Variants in CCDC38 observed in about 807,000 individuals in gnomAD.
The protein encoded by CCDC38 is coiled-coil domain-containing protein 38.
Under a neutral mutation model 72.8 loss-of-function variants are expected in CCDC38, and 69 were observed. That is an observed-to-expected ratio of 0.95 (90% confidence interval 0.78 to 1.16). The LOEUF (loss-of-function observed/expected upper bound fraction) is 1.16, where lower values mean the gene tolerates loss of function less well. CCDC38 is among the 50% of genes most tolerant of loss of function. The pLI, the probability that CCDC38 is intolerant of heterozygous loss-of-function variation, is 0.00. For missense variants in CCDC38, 626 were observed against 638.9 expected (o/e 0.98, Z 0.22); for synonymous variants, 201 against 213.2 (o/e 0.94, Z 0.50).
chr12:95,900,295 G>A (rs761568829), intron 5 of CCDC38, among the ~76,000 whole-genome samples: 31 of 152,044 alleles, frequency 2.0e-4, no homozygotes, highest in Non-Finnish European at 3.5e-4. Flanking sequence ...TCAAAATCCC[G>A]AAAGATCAAA....
intron 10 of CCDC38, chr12:95,885,245 T>A (rs533417682): frequency 1.1e-4 from 17 of 153,366 alleles, no homozygotes; most frequent in Admixed American, 9.8e-4. Context: ...CTCGACCCAG[T>A]CCTAAGACAC....
chr12:95,868,727 G>GTCAT (rs1419601106), intron 15 of CCDC38, among the ~76,000 whole-genome samples: 1 of 152,068 alleles, frequency 6.6e-6, no homozygotes, highest in Admixed American at 6.6e-5. Flanking sequence ...GGGAAAGAGT[G>GTCAT]TCATATAGAA....
At chr12:95,941,062 A>G (rs1335089545) in intron 1 of CCDC38, among the ~76,000 whole-genome samples, 1 of 152,208 alleles carries the variant, frequency 6.6e-6, no homozygotes, top group Non-Finnish European at 1.5e-5. Flanking sequence ...GTAACTAAGG[A>G]AAGAAATTCA....
chr12:95,920,530 G>C (rs1565963145), intron 2 of CCDC38, among the ~76,000 whole-genome samples: 2 of 152,190 alleles, frequency 1.3e-5, no homozygotes, highest in African/African-American at 4.8e-5. Flanking sequence ...CCAGAGAAAG[G>C]AATGAAGTAC....
intron 8 of CCDC38, among the ~76,000 whole-genome samples, chr12:95,894,143 T>A (rs2079860573): frequency 6.6e-6 from 1 of 152,060 alleles, no homozygotes; most frequent in South Asian, 2.1e-4. Context: ...ATCTTAAACC[T>A]GGGAGGCGGA....
At chr12:95,874,516 G>A (rs1037861239) in intron 13 of CCDC38, among the ~76,000 whole-genome samples, 1 of 152,064 alleles carries the variant, frequency 6.6e-6, no homozygotes, top group East Asian at 1.9e-4. Context: ...GATGAATGAA[G>A]GTAATTCACA....
intron 9 of CCDC38, among the ~76,000 whole-genome samples, chr12:95,890,437 G>A (rs1019479112): frequency 1.9e-4 from 29 of 152,192 alleles, no homozygotes; most frequent in African/African-American, 7.0e-4. Flanking sequence ...TTTTCCCAAG[G>A]GTAAATTCTC....
intron 10 of CCDC38, among the ~76,000 whole-genome samples, chr12:95,887,170 G>C (rs1019870191): frequency 6.6e-6 from 1 of 151,850 alleles, no homozygotes; most frequent in Non-Finnish European, 1.5e-5. Context: ...GGGTGACAGA[G>C]CGAGACTCCA....
chr12:95,890,578 A>G (rs2079813441), intron 9 of CCDC38, among the ~76,000 whole-genome samples: 1 of 152,240 alleles, frequency 6.6e-6, no homozygotes, highest in Non-Finnish European at 1.5e-5. Context: ...GAAGGACTTC[A>G]GGACATGTGC....
At chr12:95,872,849 G>A (rs1035764949) in intron 13 of CCDC38, among the ~76,000 whole-genome samples, 1 of 152,218 alleles carries the variant, frequency 6.6e-6, no homozygotes, top group African/African-American at 2.4e-5. Flanking sequence ...CAGCCACTGT[G>A]CCTGGCCTAA....
At chr12:95,917,065 T>C (rs1198145179) in intron 4 of CCDC38, 64 bp downstream of exon 4, 1 of 1,368,724 alleles carries the variant, frequency 7.3e-7, no homozygotes, top group Non-Finnish European at 9.8e-7. Context: ...CCAACAAAGC[T>C]CCCAAACCTG....
chr12:95,892,076 C>T (rs2079832950), intron 8 of CCDC38, among the ~76,000 whole-genome samples: 1 of 141,452 alleles, frequency 7.1e-6, no homozygotes, highest in African/African-American at 2.7e-5. Flanking sequence ...CAAGGGATCA[C>T]TCTGCTTTTT....
chr12:95,895,043 T>G lies in CCDC38; in HGVS notation c.718A>C (p.Arg240=), dbSNP rs778059694. The G allele has an allele frequency of 3.1e-6, 5 of 1,612,994 alleles. No individual in the cohort carries two copies. In the Admixed American group the frequency reaches 8.4e-5, roughly 27 times the overall value. The change falls in exon 8 of 16, where the codon AGA becomes CGA. Residue 240 remains arginine (R), a synonymous_variant. Coordinates refer to ENST00000344280, the MANE Select transcript of CCDC38 (RefSeq NM_182496.3). ...GCTTTACTTTTTGATGCCTGTGCTC[T>G]TTTTAGTGCTTGCTGGATTTGCCAA... ...KHWQIQQALK[R]AQASKSKANI...
intron 5 of CCDC38, among the ~76,000 whole-genome samples, chr12:95,905,241 C>A (rs916169629): frequency 6.6e-6 from 1 of 151,956 alleles, no homozygotes; most frequent in Non-Finnish European, 1.5e-5. Context: ...AGATGCTGAA[C>A]CTGTGGATAC....
intron 8 of CCDC38, 73 bp downstream of exon 8, chr12:95,894,916 T>C (rs1264730783): frequency 7.4e-6 from 9 of 1,220,216 alleles, no homozygotes; most frequent in African/African-American, 1.5e-5. Flanking sequence ...TCTATTTAGA[T>C]AAAAAACATT....
intron 7 of CCDC38, among the ~76,000 whole-genome samples, chr12:95,897,202 C>T (rs1364097366): frequency 1.3e-5 from 2 of 152,064 alleles, no homozygotes; most frequent in Non-Finnish European, 2.9e-5. Flanking sequence ...GCATCAAGTT[C>T]TCAAAAAGGA....
chr12:95,940,052 C>T (rs2080432418), intron 1 of CCDC38, among the ~76,000 whole-genome samples: 1 of 152,182 alleles, frequency 6.6e-6, no homozygotes, highest in Admixed American at 6.5e-5. Context: ...ATAATATATG[C>T]AAAGTGCCTG....
intron 4 of CCDC38, among the ~76,000 whole-genome samples, chr12:95,910,587 CA>C (rs762983419): frequency 5.1e-4 from 77 of 152,192 alleles, no homozygotes; most frequent in Admixed American, 1.2e-3. Flanking sequence ...TCAGGCTGGG[CA>C]TGGTGGCTCA....
chr12:95,890,855 G>A lies in CCDC38; in HGVS notation c.848C>T (p.Ala283Val). ...SGRTAVLSEDASQGRDSQGKP... is the reference protein window; with the variant it reads ...SGRTAVLSEDVSQGRDSQGKP... Reference sequence around the variant, plus strand: ...ACCTTGGCTGTCTCTTCCCTGAGAAGCATCTTCTGAAAGGACAGCTGTCCT... The same window carrying A: ...ACCTTGGCTGTCTCTTCCCTGAGAAACATCTTCTGAAAGGACAGCTGTCCT... Residue 283 changes from alanine to valine, a missense_variant, in exon 9 of 16, where the codon GCT (alanine) becomes GTT (valine). Coordinates refer to ENST00000344280, the MANE Select transcript of CCDC38 (RefSeq NM_182496.3). 1.2e-6 allele frequency: 2 copies of A among 1,603,600 alleles called. No individual in the cohort carries two copies. The highest frequency in any genetic ancestry group is 1.7e-6 in the Non-Finnish European group (2 of 1,172,320).
Sources: allele counts gnomAD v4.1 joint callset (sites outside exome capture counted in the v4.1 genomes callset), GRCh38; gene constraint gnomAD v4.1.1; transcripts MANE v1.5; gene names NCBI Gene and HGNC (gene_info 2026-07-23, HGNC 2026-07-21).